Variants in FBXO47 observed in about 807,000 individuals in gnomAD.
FBXO47 encodes the protein F-box protein 47.
FBXO47 carries 34 observed loss-of-function variants against 53.9 expected under a neutral mutation model. That is an observed-to-expected ratio of 0.63 (90% CI 0.48 to 0.84). The LOEUF is 0.84. Among genes scored for constraint, FBXO47 ranks in the 40% least tolerant of loss-of-function variants. The probability of loss-of-function intolerance (pLI) is 0.00; values close to 1 mark genes in which losing one functional copy is unlikely to be tolerated. For missense variants in FBXO47, 485 were observed against 541.3 expected (o/e 0.90, Z 1.03); for synonymous variants, 165 against 181.6 (o/e 0.91, Z 0.73).
chr17:38,944,848 A>AGG, intron 7 of FBXO47, 112 bp downstream of exon 7: 1 of 615,522 alleles, frequency 1.6e-6, no homozygotes, highest in Non-Finnish European at 2.7e-6. Flanking sequence ...GCGTGCATGC[A>AGG]TGTGTGTGTG....
chr17:38,937,327 G>A (rs200069627), intron 10 of FBXO47, 37 bp from the exon 11 acceptor site: 1 of 787,354 alleles, frequency 1.3e-6, no homozygotes, highest in Non-Finnish European at 2.1e-6. Flanking sequence ...GAAAATGACA[G>A]TTAAAATGTT....
rs34218216 is a variant in FBXO47, at chr17:38,955,958, C to CAAAAA, written c.430-1030_430-1026dup. On this transcript the variant is annotated intron_variant, in intron 4 of 10. Transcript: ENST00000378079. Reference sequence around the variant, plus strand: ...AGGCGGCAGAGCGAGACTCCATCTCCAAAAAAAAAAAAAAAAAAAAAAAAA... The same window carrying CAAAAA: ...AGGCGGCAGAGCGAGACTCCATCTCCAAAAAAAAAAAAAAAAAAAAAAAAAAAAAA... 1.3e-4 allele frequency among the ~76,000 whole-genome samples: 4 copies of CAAAAA among 30,276 alleles called. No homozygotes were observed. In the East Asian group the frequency reaches 4.1e-3, roughly 31 times the overall value. The allele number at this position is 30,276 out of a possible 152,430, so 19.9% of individuals were successfully genotyped here. A position where few individuals can be genotyped will look rare whatever the true frequency, so the allele number is the denominator to read the frequency against.
chr17:38,958,654 T>C (rs1039179725), intron 3 of FBXO47, among the ~76,000 whole-genome samples: 5 of 152,204 alleles, frequency 3.3e-5, no homozygotes, highest in African/African-American at 7.2e-5. Flanking sequence ...GGTAGGAAAA[T>C]ACATACCTGA....
intron 6 of FBXO47, among the ~76,000 whole-genome samples, chr17:38,945,943 A>AT (rs1233386009): frequency 1.5e-5 from 2 of 134,784 alleles, no homozygotes; most frequent in East Asian, 2.3e-4. Context: ...CTCAAAAAAA[A>AT]AAAAAATATA....
At position 38,958,485 on chromosome 17, in the gene FBXO47, ACT is replaced by A. The variant is rs1199570004; in HGVS notation, c.353-1234_353-1233del. On this transcript the variant is annotated intron_variant, in intron 3 of 10. Transcript: ENST00000378079. The stretch of plus-strand genomic sequence containing the variant: ...ATACTTTAAAAAGAAAAAAAAAAAA[ACT>A]CCTCAATTTCTCAGTGAGATGTGTA... 2.6e-5 allele frequency among the ~76,000 whole-genome samples: 4 copies of A among 151,346 alleles called. No homozygotes were observed. The East Asian group carries it at 7.8e-4, about 29-fold the overall frequency.
chr17:38,942,713 G>A, intron 9 of FBXO47, 65 bp downstream of exon 9: 2 of 1,307,498 alleles, frequency 1.5e-6, no homozygotes, highest in Non-Finnish European at 1.1e-6. Flanking sequence ...TTCCTTCAGG[G>A]CAGCTCCCTG....
intron 6 of FBXO47, among the ~76,000 whole-genome samples, chr17:38,946,351 A>AT (rs1567716611): frequency 0.014 from 629 of 46,162 alleles, 52 homozygotes; most frequent in African/African-American, 0.055. Flanking sequence ...TAAATATATA[A>AT]ATATATATAA....
chr17:38,959,884 A>G (rs990803712), intron 3 of FBXO47, among the ~76,000 whole-genome samples: 1 of 152,102 alleles, frequency 6.6e-6, no homozygotes, highest in Admixed American at 6.5e-5. Flanking sequence ...AAATGTCCTC[A>G]AACTAAAAAT....
At chr17:38,959,996 G>T (rs554219395) in intron 3 of FBXO47, among the ~76,000 whole-genome samples, 1 of 151,214 alleles carries the variant, frequency 6.6e-6, no homozygotes, top group Non-Finnish European at 1.5e-5. Context: ...TGTATAAATG[G>T]GGATCTCCCT....
At chr17:38,942,190 A>T (rs1428396066) in intron 9 of FBXO47, among the ~76,000 whole-genome samples, 2 of 151,782 alleles carry the variant, frequency 1.3e-5, no homozygotes, top group East Asian at 1.9e-4. Flanking sequence ...TTAACATGGA[A>T]TTTTTTTTTA....
chr17:38,945,464 T>C (rs1197842574), intron 6 of FBXO47, among the ~76,000 whole-genome samples: 1 of 152,108 alleles, frequency 6.6e-6, no homozygotes, highest in Admixed American at 6.6e-5. Flanking sequence ...ACATATATCA[T>C]TAATATACTT....
rs778287064 is a variant in FBXO47, at chr17:38,962,889, G to T, written c.137C>A (p.Ala46Asp). 1 of 1,613,004 alleles carries T rather than the reference G, an allele frequency of 6.2e-7. No individual in the cohort carries two copies. Among genetic ancestry groups the T allele is most frequent in the South Asian group, 1.1e-5 (1 of 90,990 alleles). Residue 46 changes from alanine to aspartate, a missense_variant, in exon 2 of 11, where the codon GCC (alanine) becomes GAC (aspartate). Transcript: ENST00000378079. ...TATCTGGAATATTTCCAATGGTAAG[G>T]CTTTAAAATTTCCAAATGTTGATAT... ...QPISTFGNFK[A>D]LPLEIFQIIL...
rs1222732931 is a variant in FBXO47 at position 38,946,082 on chromosome 17, A to G, written c.617-946T>C. Reference sequence around the variant, plus strand: ...AATACATAAATATATATTTATATATAAATACATAAATATATATTTATATAT... The same window carrying G: ...AATACATAAATATATATTTATATATGAATACATAAATATATATTTATATAT... On this transcript the variant is annotated intron_variant, in intron 6 of 10. Coordinates refer to ENST00000378079, the MANE Select transcript of FBXO47 (RefSeq NM_001008777.3). Among the ~76,000 whole-genome samples the G allele has an allele frequency of 1.9e-3, 243 of 129,918 alleles. 1 individual carries two copies. The highest frequency in any genetic ancestry group is 6.6e-3 in the African/African-American group (230 of 34,788). The allele number at this position is 129,918 out of a possible 152,430, so 85.2% of individuals were successfully genotyped here.
chr17:38,941,187 T>G (rs1904489936), intron 9 of FBXO47, among the ~76,000 whole-genome samples: 2 of 151,578 alleles, frequency 1.3e-5, no homozygotes, highest in South Asian at 4.1e-4. Context: ...TATTTATTTT[T>G]TTGAGACAGC....
rs748759119 is a variant in FBXO47 at position 38,942,827 on chromosome 17, A to G, written c.1034T>C (p.Val345Ala). Reference sequence around the variant, plus strand: ...TGCCAGTTCAATGGTGCGTCCATTCACAGCTTTACTAGCCATGAAACTGAA... The same window carrying G: ...TGCCAGTTCAATGGTGCGTCCATTCGCAGCTTTACTAGCCATGAAACTGAA... ...ICFSFMASKA[V>A]NGRTIELARL... Residue 345 changes from valine to alanine, a missense_variant, in exon 9 of 11, where the codon GTG (valine) becomes GCG (alanine). Transcript: ENST00000378079. The G allele has an allele frequency of 9.4e-5, 152 of 1,613,820 alleles. 2 individuals are homozygous for G. In the Admixed American group the frequency reaches 2.5e-3, roughly 26 times the overall value.
At chr17:38,944,645 T>A (rs1354221033) in intron 7 of FBXO47, among the ~76,000 whole-genome samples, 2 of 143,638 alleles carry the variant, frequency 1.4e-5, no homozygotes, top group Non-Finnish European at 3.0e-5. Context: ...GAGCTCGCAG[T>A]GAGCCGAGAT....
intron 3 of FBXO47, among the ~76,000 whole-genome samples, chr17:38,959,628 G>A (rs978724815): frequency 1.4e-5 from 2 of 145,840 alleles, no homozygotes; most frequent in Non-Finnish European, 1.5e-5. Context: ...AAAGCATTGT[G>A]TGTGTGTGTG....
At chr17:38,948,370 G>A (rs1453941174) in intron 6 of FBXO47, among the ~76,000 whole-genome samples, 5 of 151,556 alleles carry the variant, frequency 3.3e-5, no homozygotes, top group African/African-American at 1.2e-4. Context: ...TCCTCACCAC[G>A]CCTGGCTGAT....
intron 6 of FBXO47, among the ~76,000 whole-genome samples, chr17:38,949,270 A>G (rs1301909030): frequency 6.6e-6 from 1 of 151,908 alleles, no homozygotes; most frequent in Admixed American, 6.6e-5. Context: ...TACCAGAAAA[A>G]TTAGCTGGGC....
Sources: allele counts gnomAD v4.1 joint callset (sites outside exome capture counted in the v4.1 genomes callset), GRCh38; gene constraint gnomAD v4.1.1; transcripts MANE v1.5; gene names NCBI Gene and HGNC (gene_info 2026-07-23, HGNC 2026-07-21).